Variants in THEMIS observed in about 807,000 individuals in gnomAD.
THEMIS encodes the protein protein THEMIS.
Under a neutral mutation model 52.6 loss-of-function variants are expected in THEMIS, and 37 were observed. That is an observed-to-expected ratio of 0.70 (90% CI 0.54 to 0.93). The LOEUF (loss-of-function observed/expected upper bound fraction) is 0.93. Among genes scored for constraint, THEMIS ranks in the 40% least tolerant of loss-of-function variants. The probability of loss-of-function intolerance (pLI) is 0.00; values close to 1 mark genes in which losing one functional copy is unlikely to be tolerated. For synonymous variants in THEMIS, 292 were observed against 272.7 expected (o/e 1.07, Z -0.70); for missense variants, 808 against 763.1 (o/e 1.06, Z -0.69).
At chr6:127,910,915 G>T (rs1252839616) in intron 1 of THEMIS, among the ~76,000 whole-genome samples, 2 of 152,040 alleles carry the variant, frequency 1.3e-5, no homozygotes, top group African/African-American at 4.8e-5. Flanking sequence ...AGGCTCCTGG[G>T]AGCTGTGGTA....
intron 1 of THEMIS, among the ~76,000 whole-genome samples, chr6:127,914,054 T>C (rs748308440): frequency 6.6e-5 from 10 of 152,316 alleles, no homozygotes; most frequent in East Asian, 1.9e-4. Context: ...CAAGTTTAAA[T>C]ACAAAGTTTA....
chr6:127,699,694 A>C, the THEMIS span, among the ~76,000 whole-genome samples: 1 of 151,898 alleles, frequency 6.6e-6, no homozygotes, highest in Admixed American at 6.6e-5. Context: ...AAGTCTGTTT[A>C]ACGAATAGTG....
chr6:127,913,182 C>T (rs79876344), intron 1 of THEMIS, among the ~76,000 whole-genome samples: 2,350 of 152,142 alleles, frequency 0.015, 71 homozygotes, highest in African/African-American at 0.054. Flanking sequence ...TCAAGTAATC[C>T]CTCATAAAAG....
At chr6:127,882,296 A>G (rs1780509726) in intron 1 of THEMIS, among the ~76,000 whole-genome samples, 1 of 151,846 alleles carries the variant, frequency 6.6e-6, no homozygotes, top group Non-Finnish European at 1.5e-5. Flanking sequence ...ATTTTGCCCA[A>G]CTGTAGGCTA....
intron 1 of THEMIS, among the ~76,000 whole-genome samples, chr6:127,875,086 T>C (rs1219278610): frequency 6.6e-6 from 1 of 152,220 alleles, no homozygotes; most frequent in Non-Finnish European, 1.5e-5. Context: ...ATAAATGTAG[T>C]GTGTACTTGA....
intron 1 of THEMIS, among the ~76,000 whole-genome samples, chr6:127,914,789 A>C (rs969347687): frequency 1.3e-5 from 2 of 152,222 alleles, no homozygotes; most frequent in African/African-American, 4.8e-5. Flanking sequence ...GTAAAGTTAC[A>C]TGCTTTTCTA....
intron 4 of THEMIS, among the ~76,000 whole-genome samples, chr6:127,786,781 T>C (rs1017763494): frequency 1.3e-5 from 2 of 152,084 alleles, no homozygotes; most frequent in African/African-American, 2.4e-5. Context: ...CTCTAGAAAT[T>C]AACGAAAAAG....
At chr6:127,760,163 T>G (rs1468717674) in intron 4 of THEMIS, among the ~76,000 whole-genome samples, 2 of 152,012 alleles carry the variant, frequency 1.3e-5, no homozygotes, top group Non-Finnish European at 2.9e-5. Context: ...TTATGTATTC[T>G]TGTCATCCTT....
chr6:127,707,183 C>A (rs1048701986), downstream of THEMIS, among the ~76,000 whole-genome samples: 1 of 152,076 alleles, frequency 6.6e-6, no homozygotes, highest in African/African-American at 2.4e-5. Flanking sequence ...AATTACCTCC[C>A]ACCAGGTCCC....
chr6:127,882,072 A>G (rs1043252523), intron 1 of THEMIS, among the ~76,000 whole-genome samples: 5 of 151,070 alleles, frequency 3.3e-5, no homozygotes, highest in African/African-American at 1.2e-4. Flanking sequence ...CTTTTTAAGT[A>G]TGTAGCTAAA....
At chr6:127,720,801 T>A (rs968982234) in intron 4 of THEMIS, among the ~76,000 whole-genome samples, 1 of 151,978 alleles carries the variant, frequency 6.6e-6, no homozygotes, top group Admixed American at 6.6e-5. Flanking sequence ...ATAATTCACT[T>A]GAGTTAACAA....
At chr6:127,890,780 G>T (rs955140171) in intron 1 of THEMIS, among the ~76,000 whole-genome samples, 1 of 151,820 alleles carries the variant, frequency 6.6e-6, no homozygotes, top group South Asian at 2.1e-4. Context: ...GAAAAATAGT[G>T]TATATTATTA....
intron 2 of THEMIS, 65 bp from the exon 3 acceptor site, chr6:127,829,999 A>G: frequency 8.2e-7 from 1 of 1,225,872 alleles, no homozygotes; most frequent in Non-Finnish European, 1.1e-6. Context: ...CAAGAAAATC[A>G]CAAGGAGAGA....
At chr6:127,739,783 G>A (rs1040768581) in intron 4 of THEMIS, among the ~76,000 whole-genome samples, 5 of 152,162 alleles carry the variant, frequency 3.3e-5, no homozygotes, top group African/African-American at 4.8e-5. Context: ...GTAACAAATC[G>A]TGGCAAGCAT....
intron 4 of THEMIS, among the ~76,000 whole-genome samples, chr6:127,745,640 A>G (rs1239766729): frequency 6.6e-6 from 1 of 151,848 alleles, no homozygotes; most frequent in East Asian, 1.9e-4. Flanking sequence ...ATGGAAAAAA[A>G]TTTGTGAGAC....
At chr6:127,865,599 G>A (rs1779949348) in intron 1 of THEMIS, among the ~76,000 whole-genome samples, 1 of 152,022 alleles carries the variant, frequency 6.6e-6, no homozygotes, top group Non-Finnish European at 1.5e-5. Context: ...ATACTGCCTT[G>A]TAGAAAATTA....
intron 3 of THEMIS, among the ~76,000 whole-genome samples, chr6:127,827,585 T>G (rs1449740958): frequency 2.0e-5 from 3 of 152,194 alleles, no homozygotes; most frequent in Non-Finnish European, 4.4e-5. Flanking sequence ...TATGTTAATA[T>G]CCCCTGATCT....
chr6:127,761,396 T>A (rs905587207), intron 4 of THEMIS, among the ~76,000 whole-genome samples: 2 of 152,144 alleles, frequency 1.3e-5, no homozygotes, highest in Admixed American at 6.6e-5. Context: ...CCCAAGAAGC[T>A]ATTAATTACA....
the THEMIS span, among the ~76,000 whole-genome samples, chr6:127,699,886 T>A: frequency 6.6e-6 from 1 of 151,942 alleles, no homozygotes; most frequent in African/African-American, 2.4e-5. Context: ...AAACTCTTCA[T>A]GACTTGTGTT....
Sources: gnomAD v4.1 joint callset for allele counts (sites outside exome capture counted in the v4.1 genomes callset) on GRCh38, gnomAD v4.1.1 for gene constraint, MANE v1.5 for transcripts, NCBI Gene and HGNC (gene_info 2026-07-23, HGNC 2026-07-21) for gene names.